TBC1D12: variants seen among roughly 807,000 people sequenced by gnomAD.
TBC1D12 encodes TBC1 domain family, member 12.
TBC1D12 carries 56 observed loss-of-function variants against 86.7 expected under a neutral mutation model. That is an observed-to-expected ratio of 0.65 (90% CI 0.52 to 0.81). TBC1D12 has a LOEUF of 0.81. Among genes scored for constraint, TBC1D12 ranks in the 30% least tolerant of loss-of-function variants. The pLI, the probability that TBC1D12 is intolerant of heterozygous loss-of-function variation, is 0.00. For synonymous variants in TBC1D12, 421 were observed against 411.7 expected (o/e 1.02, Z -0.27); for missense variants, 1,023 against 1,038.8 (o/e 0.98, Z 0.21).
At chr10:94,531,493 T>C (rs982051439) in intron 12 of TBC1D12, 33 bp downstream of exon 12, 4 of 1,548,670 alleles carry the variant, frequency 2.6e-6, no homozygotes, top group Non-Finnish European at 3.5e-6. Flanking sequence ...TTAATAGATG[T>C]GTTAAAGCAG....
At chr10:94,465,801 TACATATACGCATACATAC>T (rs1248892288) in intron 2 of TBC1D12, among the ~76,000 whole-genome samples, 1 of 150,634 alleles carries the variant, frequency 6.6e-6, no homozygotes, top group Non-Finnish European at 1.5e-5. Context: ...TACGCATACA[TACATATACGCATACATAC>T]ACATATACGT....
chr10:94,512,499 C>A (rs1178483931), intron 9 of TBC1D12, among the ~76,000 whole-genome samples: 1 of 152,152 alleles, frequency 6.6e-6, no homozygotes, highest in Non-Finnish European at 1.5e-5. Flanking sequence ...GTTTACTCAA[C>A]AAATATTTAT....
chr10:94,511,708 T>G, intron 9 of TBC1D12, 54 bp downstream of exon 9: 1 of 1,213,954 alleles, frequency 8.2e-7, no homozygotes, highest in Non-Finnish European at 1.2e-6. Context: ...TCTACACTCT[T>G]TATCAAAATA....
chr10:94,467,798 G>T (rs996627974), intron 2 of TBC1D12, among the ~76,000 whole-genome samples: 32 of 152,228 alleles, frequency 2.1e-4, no homozygotes, highest in African/African-American at 6.7e-4. Flanking sequence ...TGAGCTCATA[G>T]CTCCCCACTC....
intron 2 of TBC1D12, among the ~76,000 whole-genome samples, chr10:94,452,601 T>G (rs891842392): frequency 6.6e-6 from 1 of 152,168 alleles, no homozygotes; most frequent in Non-Finnish European, 1.5e-5. Context: ...TCCATGCCTT[T>G]CCATGGCTTG....
intron 2 of TBC1D12, among the ~76,000 whole-genome samples, chr10:94,468,485 T>A (rs746567075): frequency 2.2e-4 from 34 of 152,206 alleles, no homozygotes; most frequent in Admixed American, 3.9e-4. Flanking sequence ...TCTCCATTTT[T>A]TTTTCCTTCA....
chr10:94,523,043 CAAAAAAA>C (rs35912130), intron 11 of TBC1D12, among the ~76,000 whole-genome samples: 1 of 64,632 alleles, frequency 1.5e-5, no homozygotes, highest in East Asian at 3.9e-4. Context: ...GACTCCAGCT[CAAAAAAA>C]AAAAAAAAAA....
At chr10:94,494,982 T>G (rs2056296396) in intron 4 of TBC1D12, among the ~76,000 whole-genome samples, 1 of 150,142 alleles carries the variant, frequency 6.7e-6, no homozygotes, top group Non-Finnish European at 1.5e-5. Context: ...CTGCCTCAGC[T>G]TCCCTGGTAG....
intron 1 of TBC1D12, among the ~76,000 whole-genome samples, chr10:94,417,624 A>C (rs929380174): frequency 6.6e-6 from 1 of 152,158 alleles, no homozygotes; most frequent in African/African-American, 2.4e-5. Context: ...CTAGTGTAAA[A>C]GTTCTGTACA....
chr10:94,493,665 C>T (rs991288359), intron 4 of TBC1D12, among the ~76,000 whole-genome samples: 2 of 152,128 alleles, frequency 1.3e-5, no homozygotes, highest in Admixed American at 6.6e-5. Flanking sequence ...GTCCTTTTAC[C>T]TCTCAGCCTC....
chr10:94,486,935 T>A (rs2056171805), intron 3 of TBC1D12, among the ~76,000 whole-genome samples: 1 of 152,196 alleles, frequency 6.6e-6, no homozygotes, highest in Non-Finnish European at 1.5e-5. Context: ...CGTATTGAGG[T>A]GCATCTTTCT....
intron 2 of TBC1D12, among the ~76,000 whole-genome samples, chr10:94,451,211 T>A (rs2055544912): frequency 1.3e-5 from 2 of 152,054 alleles, no homozygotes; most frequent in South Asian, 4.1e-4. Flanking sequence ...AAATGATACA[T>A]GTTTGAGATG....
chr10:94,465,762 A>G (rs1039718694), intron 2 of TBC1D12, among the ~76,000 whole-genome samples: 4 of 151,194 alleles, frequency 2.6e-5, no homozygotes, highest in Non-Finnish European at 5.9e-5. Context: ...ATGTATACAT[A>G]CATACGTATA....
At chr10:94,527,743 G>A (rs1173025845) in intron 11 of TBC1D12, among the ~76,000 whole-genome samples, 1 of 151,938 alleles carries the variant, frequency 6.6e-6, no homozygotes. Context: ...TTTTGTATAG[G>A]GTGAGAAGTG....
intron 3 of TBC1D12, among the ~76,000 whole-genome samples, chr10:94,478,046 T>C (rs1040351827): frequency 2.0e-5 from 3 of 151,792 alleles, no homozygotes; most frequent in Admixed American, 6.6e-5. Flanking sequence ...TTTGGGAGGC[T>C]GAAGCAGGAG....
chr10:94,533,989 A>G lies in TBC1D12; in HGVS notation c.*893A>G, dbSNP rs976021708. On this transcript the variant is annotated 3_prime_UTR_variant, in exon 13 of 13. Coordinates refer to ENST00000225235, the MANE Select transcript of TBC1D12 (RefSeq NM_015188.2). ...AGCATGCTACTTGGCAAGACTTCAT[A>G]TTTTTTAGTTACAATTCTTCCACTG... 1 of 152,160 alleles carries G rather than the reference A, an allele frequency of 6.6e-6. No individual in the cohort carries two copies. The highest frequency in any genetic ancestry group is 2.4e-5 in the African/African-American group (1 of 41,436). 9.4% of individuals were successfully genotyped at this position (152,160 alleles called of 1,614,324 possible).
intron 11 of TBC1D12, among the ~76,000 whole-genome samples, chr10:94,529,150 A>C (rs1842365848): frequency 6.6e-6 from 1 of 152,046 alleles, no homozygotes. Context: ...ATCTGGGGCT[A>C]CAGGCAAACC....
At position 94,403,584 on chromosome 10, in the gene TBC1D12, G is replaced by A; in HGVS notation, c.971G>A (p.Arg324Lys). Residue 324 changes from arginine (R) to lysine (K), a missense_variant and splice_region_variant, in exon 1 of 13, where the codon AGA becomes AAA. Physicochemically the swap from Arg to Lys is conservative, Grantham distance 26. Transcript: ENST00000225235. The stretch of plus-strand genomic sequence containing the variant: ...GGCGGCTTCGCGGACTTCTTCACCA[G>A]GTACAGCGCAGGCTGCATGGGACTC... ...RSGGFADFFT[R>K]NLFPKRTKEL... 1 of 1,466,536 alleles carries A rather than the reference G, an allele frequency of 6.8e-7. No individual in the cohort carries two copies. Among genetic ancestry groups the A allele is most frequent in the Non-Finnish European group, 8.9e-7 (1 of 1,118,814 alleles). The allele number at this position is 1,466,536 out of a possible 1,614,324, so 90.8% of individuals were successfully genotyped here.
chr10:94,476,298 A>C (rs757618476), intron 3 of TBC1D12, among the ~76,000 whole-genome samples: 1 of 152,202 alleles, frequency 6.6e-6, no homozygotes, highest in African/African-American at 2.4e-5. Context: ...TATTAAGTAC[A>C]TTATTCTTTT....
Sources: allele counts gnomAD v4.1 joint callset (sites outside exome capture counted in the v4.1 genomes callset), GRCh38; gene constraint gnomAD v4.1.1; transcripts MANE v1.5; gene names NCBI Gene and HGNC (gene_info 2026-07-23, HGNC 2026-07-21).